SGCZ: variants seen among roughly 807,000 people sequenced by gnomAD.
SGCZ encodes sarcoglycan zeta.
Under a neutral mutation model 41.3 loss-of-function variants are expected in SGCZ, and 40 were observed. The observed-to-expected ratio is 0.97, with a 90% CI of 0.75 to 1.26. The LOEUF is 1.26. SGCZ is among the 50% of genes most tolerant of loss of function. The pLI, the probability that SGCZ is intolerant of heterozygous loss-of-function variation, is 0.00. For missense variants in SGCZ, 552 were observed against 369.8 expected (o/e 1.49, Z -4.04); for synonymous variants, 206 against 137.5 (o/e 1.50, Z -3.49).
At chr8:14,456,760 A>G (rs879146705) in intron 2 of SGCZ, among the ~76,000 whole-genome samples, 2 of 152,200 alleles carry the variant, frequency 1.3e-5, no homozygotes, top group Non-Finnish European at 2.9e-5. Flanking sequence ...GTCATCTCCA[A>G]TGCTGGAGGT....
intron 1 of SGCZ, among the ~76,000 whole-genome samples, chr8:14,584,067 G>T (rs1226123907): frequency 6.6e-6 from 1 of 152,044 alleles, no homozygotes; most frequent in East Asian, 1.9e-4. Context: ...ATCTCAGGGA[G>T]CTCAACATTT....
intron 2 of SGCZ, among the ~76,000 whole-genome samples, chr8:14,362,544 G>A (rs1202528418): frequency 6.6e-6 from 1 of 152,194 alleles, no homozygotes; most frequent in Non-Finnish European, 1.5e-5. Flanking sequence ...TACGAAGACT[G>A]TGGGAAAAGC....
intron 1 of SGCZ, among the ~76,000 whole-genome samples, chr8:15,095,442 G>C (rs1166093179): frequency 2.0e-5 from 3 of 152,110 alleles, no homozygotes; most frequent in African/African-American, 7.2e-5. Flanking sequence ...ATGCATTTCA[G>C]ATGCATAGTT....
chr8:14,384,694 G>C (rs1804503966), intron 2 of SGCZ, among the ~76,000 whole-genome samples: 1 of 152,100 alleles, frequency 6.6e-6, no homozygotes, highest in Non-Finnish European at 1.5e-5. Context: ...CTAGTAGCTG[G>C]GATTACAGGC....
intron 1 of SGCZ, among the ~76,000 whole-genome samples, chr8:14,704,817 A>G (rs1809279016): frequency 1.3e-5 from 2 of 152,118 alleles, no homozygotes; most frequent in South Asian, 2.1e-4. Context: ...AACAACAACA[A>G]AACACTTCTT....
intron 1 of SGCZ, among the ~76,000 whole-genome samples, chr8:15,115,604 G>A (rs1302235103): frequency 1.3e-5 from 2 of 152,170 alleles, no homozygotes; most frequent in African/African-American, 2.4e-5. Context: ...GTATCATCGG[G>A]GTTCTTAGAG....
At chr8:14,637,624 C>T (rs1055976639) in intron 1 of SGCZ, among the ~76,000 whole-genome samples, 2 of 151,742 alleles carry the variant, frequency 1.3e-5, no homozygotes, top group East Asian at 1.9e-4. Flanking sequence ...CATCCAGCTG[C>T]GTCCATGGTG....
In SGCZ at chr8:14,912,551, A is replaced by G. The variant is rs147262693; in HGVS notation, c.39+325034T>C. On this transcript the variant is annotated intron_variant, in intron 1 of 7. Coordinates refer to ENST00000382080, the MANE Select transcript of SGCZ (RefSeq NM_139167.4). Reference sequence around the variant, plus strand: ...AAATTAGGACAACATAAGATGGAATATAGTAGTGATGTTTCCAAGTTGTCA... The same window carrying G: ...AAATTAGGACAACATAAGATGGAATGTAGTAGTGATGTTTCCAAGTTGTCA... 6.5e-4 allele frequency among the ~76,000 whole-genome samples: 99 copies of G among 152,206 alleles called. 1 individual carries two copies. Among genetic ancestry groups the G allele is most frequent in the African/African-American group, 2.3e-3 (96 of 41,576 alleles).
intron 1 of SGCZ, among the ~76,000 whole-genome samples, chr8:15,113,222 A>C (rs1034943285): frequency 1.4e-5 from 2 of 145,838 alleles, no homozygotes; most frequent in African/African-American, 5.2e-5. Context: ...AAAAAAAAAA[A>C]CAAAAAGAAA....
chr8:14,287,270 G>C (rs1371034138), intron 3 of SGCZ, among the ~76,000 whole-genome samples: 1 of 151,424 alleles, frequency 6.6e-6, no homozygotes, highest in Non-Finnish European at 1.5e-5. Flanking sequence ...ATTAAACTAG[G>C]AAAAAAGGCG....
chr8:14,624,713 G>T (rs1269474734), intron 1 of SGCZ, among the ~76,000 whole-genome samples: 2 of 151,552 alleles, frequency 1.3e-5, no homozygotes, highest in Non-Finnish European at 2.9e-5. Flanking sequence ...TGGCACTACA[G>T]ATGTGCGCCA....
At chr8:14,764,875 T>G (rs926869795) in intron 1 of SGCZ, among the ~76,000 whole-genome samples, 3 of 152,042 alleles carry the variant, frequency 2.0e-5, no homozygotes, top group African/African-American at 7.3e-5. Context: ...ATTAAAATAT[T>G]TATAAAGAGT....
At chr8:14,216,631 G>C (rs1007492014) in intron 4 of SGCZ, among the ~76,000 whole-genome samples, 5 of 152,038 alleles carry the variant, frequency 3.3e-5, no homozygotes, top group Middle Eastern at 3.4e-3. Context: ...AATTAACAAA[G>C]ACAAATTATA....
At chr8:14,802,053 T>C (rs1481025938) in intron 1 of SGCZ, among the ~76,000 whole-genome samples, 2 of 152,176 alleles carry the variant, frequency 1.3e-5, no homozygotes, top group Non-Finnish European at 2.9e-5. Context: ...GATGAACAAA[T>C]CTTCCCTTGA....
chr8:14,189,337 C>T (rs1193983577), intron 4 of SGCZ, among the ~76,000 whole-genome samples: 1 of 152,158 alleles, frequency 6.6e-6, no homozygotes, highest in Non-Finnish European at 1.5e-5. Flanking sequence ...CTTTTCGTTT[C>T]AAATCCCTTC....
intron 4 of SGCZ, among the ~76,000 whole-genome samples, chr8:14,177,486 ATC>A (rs1209235169): frequency 1.4e-5 from 2 of 145,032 alleles, no homozygotes; most frequent in African/African-American, 2.4e-5. Context: ...TTTTAAAGCT[ATC>A]TGTTTCCTTT....
intron 2 of SGCZ, among the ~76,000 whole-genome samples, chr8:14,433,309 GTGAT>G (rs1399557948): frequency 1.3e-5 from 2 of 152,154 alleles, no homozygotes; most frequent in African/African-American, 4.8e-5. Flanking sequence ...AACACCTGTA[GTGAT>G]TAAGTGTCCA....
chr8:14,528,828 A>AAAAAAC (rs1491090891), intron 2 of SGCZ, among the ~76,000 whole-genome samples: 372 of 14,778 alleles, frequency 0.025, 6 homozygotes, highest in African/African-American at 0.058. Flanking sequence ...CGGACCAGCC[A>AAAAAAC]AAAAAAAAAC....
chr8:14,235,918 C>T (rs1019737260), intron 4 of SGCZ, among the ~76,000 whole-genome samples: 1 of 152,142 alleles, frequency 6.6e-6, no homozygotes, highest in Non-Finnish European at 1.5e-5. Context: ...TTCTTGACCT[C>T]ATGATCCGCC....
Sources: allele counts gnomAD v4.1 joint callset (sites outside exome capture counted in the v4.1 genomes callset), GRCh38; gene constraint gnomAD v4.1.1; transcripts MANE v1.5; gene names NCBI Gene and HGNC (gene_info 2026-07-23, HGNC 2026-07-21).